Variants in UTY observed in about 807,000 individuals in gnomAD.
The protein encoded by UTY is histone demethylase UTY.
A neutral mutation model predicts 32.5 loss-of-function variants in UTY; 12 were observed. The ratio of observed to expected loss-of-function variants is 0.37; its 90% confidence interval spans 0.24 to 0.60. The LOEUF (loss-of-function observed/expected upper bound fraction) is 0.60. Ranked by LOEUF, UTY falls within the 20% of genes least tolerant of loss-of-function variation. UTY has a pLI of 0.69. For missense variants in UTY, 303 were observed against 299.2 expected (o/e 1.01, Z -0.09); for synonymous variants, 131 against 103.4 (o/e 1.27, Z -1.62).
At chrY:13,365,132 T>G (rs2149308547) in intron 10 of UTY, among the ~76,000 whole-genome samples, 1 of 33,350 alleles carries the variant, frequency 3.0e-5, no homozygotes, top group Admixed American at 2.7e-4. Context: ...AATACTAAAT[T>G]GAAAACTATT....
chrY:13,334,589 T>C (rs2060921484), intron 18 of UTY, among the ~76,000 whole-genome samples: 1 of 33,569 alleles, frequency 3.0e-5, no homozygotes, highest in Non-Finnish European at 7.4e-5. Flanking sequence ...CCAACAAACA[T>C]GAAAAGCAGC....
At chrY:13,345,124 G>A in intron 17 of UTY, among the ~76,000 whole-genome samples, 1 of 33,079 alleles carries the variant, frequency 3.0e-5, no homozygotes, top group Admixed American at 2.7e-4. Flanking sequence ...TTTATGGGAT[G>A]GTCCCCATAT....
intron 3 of UTY, among the ~76,000 whole-genome samples, chrY:13,465,386 CAG>C (rs2077817173): frequency 1.5e-4 from 5 of 33,387 alleles, no homozygotes; most frequent in African/African-American, 5.8e-4. Flanking sequence ...GATTTTTAAA[CAG>C]AAATACACAT....
chrY:13,447,752 C>T, intron 4 of UTY, among the ~76,000 whole-genome samples: 2 of 33,740 alleles, frequency 5.9e-5, no homozygotes. Context: ...GATTCACAAG[C>T]GAAAGTGGCT....
At chrY:13,465,766 A>C (rs992383433) in intron 3 of UTY, among the ~76,000 whole-genome samples, 2 of 33,211 alleles carry the variant, frequency 6.0e-5, no homozygotes, top group Non-Finnish European at 1.5e-4. Flanking sequence ...ATAGCTGAGG[A>C]ACCCTGAAAA....
intron 27 of UTY, among the ~76,000 whole-genome samples, chrY:13,272,287 T>C: frequency 2.9e-5 from 1 of 34,363 alleles, no homozygotes; most frequent in African/African-American, 1.1e-4. Context: ...ATTGAAAACA[T>C]GTTTAGACCA....
At chrY:13,353,103 GGAA>G (rs2062563988) in intron 17 of UTY, among the ~76,000 whole-genome samples, 1 of 34,253 alleles carries the variant, frequency 2.9e-5, no homozygotes, top group African/African-American at 1.1e-4. Context: ...AGATTACAGT[GGAA>G]GAAGATGTGA....
chrY:13,279,671 G>T, intron 27 of UTY, among the ~76,000 whole-genome samples: 3 of 33,420 alleles, frequency 9.0e-5, no homozygotes, highest in African/African-American at 3.5e-4. Context: ...TCAATGCCCA[G>T]ACATTGACAA....
intron 28 of UTY, among the ~76,000 whole-genome samples, chrY:13,240,209 T>C (rs2053884196): frequency 3.4e-5 from 1 of 29,632 alleles, no homozygotes; most frequent in Admixed American, 3.1e-4. Flanking sequence ...GAAAATAGCA[T>C]ATGCAAGCCA....
Position 13,358,453 on chromosome Y carries a change from T to C in UTY, c.1476+11A>G. ...ACTGGGATTTTCCATATCTCTAAAA[T>C]GTATATATACCTTTGTTGGACTAGA... is the stretch of plus-strand genomic sequence containing the variant. On this transcript the variant is annotated intron_variant, in intron 14 of 29. Coordinates refer to ENST00000545955, the MANE Select transcript of UTY (RefSeq NM_001258249.2). 1 of 376,161 alleles carries C rather than the reference T, an allele frequency of 2.7e-6. No homozygotes were observed. Among genetic ancestry groups the C allele is most frequent in the Non-Finnish European group, 3.7e-6 (1 of 271,994 alleles). 93.8% of individuals were successfully genotyped at this position (376,161 alleles called of 400,897 possible). A position where few individuals can be genotyped will look rare whatever the true frequency, so the allele number is the denominator to read the frequency against.
intron 3 of UTY, among the ~76,000 whole-genome samples, chrY:13,460,631 G>A: frequency 3.0e-5 from 1 of 33,033 alleles, no homozygotes; most frequent in Non-Finnish European, 7.4e-5. Flanking sequence ...AGCTGGGGAA[G>A]CGGAGATAGC....
chrY:13,294,809 G>C (rs2148696027), intron 27 of UTY, among the ~76,000 whole-genome samples: 9 of 33,805 alleles, frequency 2.7e-4, no homozygotes, highest in Admixed American at 2.4e-3. Flanking sequence ...TGTTATCCCA[G>C]CACTTTGGGA....
intron 4 of UTY, among the ~76,000 whole-genome samples, chrY:13,428,243 T>C: frequency 2.9e-5 from 1 of 33,922 alleles, no homozygotes; most frequent in Admixed American, 2.6e-4. Context: ...TTGGTGCATT[T>C]GCACTTGCTC....
At chrY:13,289,990 TA>T (rs2057660365) in intron 27 of UTY, among the ~76,000 whole-genome samples, 1 of 26,917 alleles carries the variant, frequency 3.7e-5, no homozygotes, top group Non-Finnish European at 8.9e-5. Flanking sequence ...CAAAAAAAAA[TA>T]AAAAAAAATA....
chrY:13,473,793 AC>A (rs2078760443), intron 2 of UTY, among the ~76,000 whole-genome samples: 2 of 33,855 alleles, frequency 5.9e-5, no homozygotes, highest in Admixed American at 5.4e-4. Flanking sequence ...AAATATAGTA[AC>A]CTATAATATT....
At chrY:13,284,314 TA>T (rs2057215828) in intron 27 of UTY, among the ~76,000 whole-genome samples, 1 of 33,811 alleles carries the variant, frequency 3.0e-5, no homozygotes, top group Admixed American at 2.7e-4. Context: ...ATTAAAAGGT[TA>T]AAAAAATTAT....
At chrY:13,430,295 AT>A in intron 4 of UTY, among the ~76,000 whole-genome samples, 1 of 33,260 alleles carries the variant, frequency 3.0e-5, no homozygotes, top group South Asian at 6.7e-4. Context: ...AGTACTAGTT[AT>A]TTTTTGTATG....
At chrY:13,392,720 C>T (rs2067708458) in intron 8 of UTY, among the ~76,000 whole-genome samples, 2 of 33,343 alleles carry the variant, frequency 6.0e-5, no homozygotes, top group Non-Finnish European at 1.5e-4. Context: ...TGGAAAATAC[C>T]AGCATCTTTC....
intron 27 of UTY, among the ~76,000 whole-genome samples, chrY:13,285,818 G>A (rs759306779): frequency 2.9e-5 from 1 of 34,158 alleles, no homozygotes; most frequent in African/African-American, 1.1e-4. Context: ...CCATGCTGTA[G>A]TGATTTTAAT....
Sources: allele counts gnomAD v4.1 joint callset (sites outside exome capture counted in the v4.1 genomes callset), GRCh38; gene constraint gnomAD v4.1.1; transcripts MANE v1.5; gene names NCBI Gene and HGNC (gene_info 2026-07-23, HGNC 2026-07-21).